The following GSTK1 variants were observed in gnomAD, a reference collection of about 807,000 sequenced individuals.
GSTK1 encodes the protein GST class-kappa.
GSTK1 carries 25 observed loss-of-function variants against 30.9 expected under a neutral mutation model. The observed-to-expected ratio is 0.81, with a 90% CI of 0.59 to 1.13. The LOEUF is 1.13. Ranked by LOEUF, GSTK1 falls within the 50% of genes most tolerant of loss-of-function variation. GSTK1 has a pLI of 0.00. For synonymous variants in GSTK1, 108 were observed against 112.5 expected (o/e 0.96, Z 0.25); for missense variants, 292 against 292.4 (o/e 1.00, Z 0.01).
In GSTK1 at chr7:143,263,647, C is replaced by T; in HGVS notation, c.72+62C>T. ...GAGTGAGGGCGGAGGGAAGAGTGAG[C>T]GCAGGGCTCCGGGACAGAGGTCTCG... On this transcript the variant is annotated intron_variant, in intron 1 of 7. Coordinates refer to ENST00000358406, the MANE Select transcript of GSTK1 (RefSeq NM_015917.3). 2.0e-6 allele frequency: 3 copies of T among 1,473,036 alleles called. No individual in the cohort carries two copies. In the Admixed American group the frequency reaches 5.0e-5, roughly 25 times the overall value. The allele number at this position is 1,473,036 out of a possible 1,614,324, so 91.2% of individuals were successfully genotyped here. A position where few individuals can be genotyped will look rare whatever the true frequency, so the allele number is the denominator to read the frequency against.
At position 143,265,054 on chromosome 7, in the gene GSTK1, A is replaced by G. The variant is rs767523378; in HGVS notation, c.346A>G (p.Lys116Glu). Residue 116 changes from lysine (K) to glutamate (E), a missense_variant, in exon 4 of 8, where the codon AAA (lysine) becomes GAA (glutamate). Coordinates refer to ENST00000358406, the MANE Select transcript of GSTK1 (RefSeq NM_015917.3). ...VNLEHPEMLE[K>E]ASRELWMRVW... is the part of the protein sequence containing the mutation. ...CTTGGAGCATCCAGAGATGCTGGAG[A>G]AAGCGTCCCGGGAGCTGTGGATGCG... 3.2e-5 allele frequency: 52 copies of G among 1,613,986 alleles called. No homozygotes were observed. Among genetic ancestry groups the G allele is most frequent in the Non-Finnish European group, 4.2e-5 (50 of 1,180,020 alleles).
In GSTK1 at chr7:143,267,378, G is replaced by A. The variant is rs190201957; in HGVS notation, c.421-239G>A. On this transcript the variant is annotated intron_variant, in intron 5 of 7. Coordinates refer to ENST00000358406, the MANE Select transcript of GSTK1 (RefSeq NM_015917.3). ...TATCTAGCTGCTCTCTAAGATGTCC[G>A]CTGGTGTTAATTTCTGTGATTGACT... 1.6e-4 allele frequency among the ~76,000 whole-genome samples: 24 copies of A among 152,198 alleles called. No homozygotes were observed. The East Asian group carries it at 2.5e-3, about 16-fold the overall frequency.
Position 143,268,185 on chromosome 7 carries a change from G to A in GSTK1, c.631+1G>A, listed in dbSNP as rs763116400. 6.2e-7 allele frequency: 1 copy of A among 1,612,344 alleles called. No individual in the cohort carries two copies. Among genetic ancestry groups the A allele is most frequent in the Non-Finnish European group, 8.5e-7 (1 of 1,179,012 alleles). ...ATGGAGCTGCTGGCGCACCTGCTGG[G>A]TAAGTAAGTTAAAGAATCAACCCTG... On this transcript the variant is annotated splice_donor_variant, in intron 7 of 7. Transcript: ENST00000358406. LOFTEE classifies it high-confidence loss of function. The surrounding 1 kb of genome is among the most constrained non-coding windows in gnomAD (Gnocchi z 4.1).
chr7:143,264,717 C>T (rs767435443), intron 3 of GSTK1, 41 bp downstream of exon 3: 10 of 1,611,570 alleles, frequency 6.2e-6, no homozygotes, highest in Non-Finnish European at 8.5e-6. Flanking sequence ...CAGTGAAAAA[C>T]ACAGAAGTCG....
In GSTK1 at chr7:143,268,042, A is replaced by C; in HGVS notation, c.538-49A>C. ...GACTCAAAGGTTTCAACCCCTGCCTAATACCTGCTCCTTTGCCTTCCTCCT... is the reference window on the plus strand; with the variant it reads ...GACTCAAAGGTTTCAACCCCTGCCTCATACCTGCTCCTTTGCCTTCCTCCT... On this transcript the variant is annotated intron_variant, in intron 6 of 7. Coordinates refer to ENST00000358406, the MANE Select transcript of GSTK1 (RefSeq NM_015917.3). The surrounding 1 kb of genome is among the most constrained non-coding windows in gnomAD (Gnocchi z 4.1). 3.4e-4 allele frequency: 487 copies of C among 1,427,516 alleles called. No homozygotes were observed. The highest frequency in any genetic ancestry group is 4.4e-4 in the Non-Finnish European group (446 of 1,019,770). The allele number at this position is 1,427,516 out of a possible 1,614,324, so 88.4% of individuals were successfully genotyped here. A position where few individuals can be genotyped will look rare whatever the true frequency, so the allele number is the denominator to read the frequency against.
intron 5 of GSTK1, among the ~76,000 whole-genome samples, chr7:143,266,201 T>G (rs1319748864): frequency 6.6e-6 from 1 of 151,866 alleles, no homozygotes; most frequent in Non-Finnish European, 1.5e-5. Flanking sequence ...TGGCTAACTT[T>G]TTTATTTTTT....
At position 143,263,482 on chromosome 7, in the gene GSTK1, C is replaced by G; in HGVS notation, c.-32C>G. The G allele has an allele frequency of 6.2e-7, 1 of 1,600,934 alleles. No individual in the cohort carries two copies. Among genetic ancestry groups the G allele is most frequent in the Non-Finnish European group, 8.5e-7 (1 of 1,174,200 alleles). ...CTGCCGGGTTCCGGGAAAAGGAGCT[C>G]CTGCTGCCACTGCTCTTCCGGAGCC... On this transcript the variant is annotated 5_prime_UTR_variant, in exon 1 of 8. Coordinates refer to ENST00000358406, the MANE Select transcript of GSTK1 (RefSeq NM_015917.3).
At position 143,263,522 on chromosome 7, in the gene GSTK1, C is replaced by A; in HGVS notation, c.9C>A (p.Pro3=). 6.2e-7 allele frequency: 1 copy of A among 1,610,236 alleles called. No individual in the cohort carries two copies. The highest frequency in any genetic ancestry group is 8.5e-7 in the Non-Finnish European group (1 of 1,180,006). The change falls in exon 1 of 8, where the codon CCC becomes CCA. Residue 3 remains proline (P), a synonymous_variant. Coordinates refer to ENST00000358406, the MANE Select transcript of GSTK1 (RefSeq NM_015917.3). ...CTTCCGGAGCCTGCAGCATGGGGCC[C>A]CTGCCGCGCACCGTGGAGCTCTTCT... MG[P]LPRTVELFYD...
In GSTK1 at chr7:143,265,184, C is replaced by G; in HGVS notation, c.385-77C>G. ...GTTTTCAGGGTCATGATCCTGCCCCCGCCCGGGGGATCTACTGTCCTCCCA... is the reference window on the plus strand; with the variant it reads ...GTTTTCAGGGTCATGATCCTGCCCCGGCCCGGGGGATCTACTGTCCTCCCA... On this transcript the variant is annotated intron_variant, in intron 4 of 7. Coordinates refer to ENST00000358406, the MANE Select transcript of GSTK1 (RefSeq NM_015917.3). 2 of 1,607,446 alleles carry G rather than the reference C, an allele frequency of 1.2e-6. No homozygotes were observed. Among genetic ancestry groups the G allele is most frequent in the South Asian group, 2.2e-5 (2 of 89,964 alleles).
rs372827008 is a variant in GSTK1, at chr7:143,263,564, C to G, written c.51C>G (p.Pro17=). ...AGCTCTTCTATGACGTGCTGTCCCCCTACTCCTGGCTGGGCTTCGAGGTGA... is the reference window on the plus strand; with the variant it reads ...AGCTCTTCTATGACGTGCTGTCCCCGTACTCCTGGCTGGGCTTCGAGGTGA... ...TVELFYDVLS[P]YSWLGFEILC... The change falls in exon 1 of 8, where the codon CCC becomes CCG. Residue 17 remains proline (P), a synonymous_variant. Coordinates refer to ENST00000358406, the MANE Select transcript of GSTK1 (RefSeq NM_015917.3). 1.9e-6 allele frequency: 3 copies of G among 1,610,114 alleles called. No homozygotes were observed. Among genetic ancestry groups the G allele is most frequent in the Non-Finnish European group, 2.5e-6 (3 of 1,180,006 alleles).
Position 143,264,172 on chromosome 7 carries a change from G to A in GSTK1, c.154+5G>A, listed in dbSNP as rs550551572. 6.2e-7 allele frequency: 1 copy of A among 1,613,154 alleles called. No homozygotes were observed. The highest frequency in any genetic ancestry group is 2.2e-5 in the East Asian group (1 of 44,860). ...CAGGGATCATGAAAGACAGTGGTAG[G>A]AAGGGAGGGTCGGGGCAGGGGTGAT... is the stretch of plus-strand genomic sequence containing the variant. On this transcript the variant is annotated splice_donor_5th_base_variant and intron_variant, in intron 2 of 7. Transcript: ENST00000358406.
chr7:143,264,453 G>C (rs748411524), intron 2 of GSTK1, 95 bp from the exon 3 acceptor site: 8 of 1,271,714 alleles, frequency 6.3e-6, no homozygotes, highest in Non-Finnish European at 8.9e-6. Context: ...AGAAAAAAAA[G>C]GAAGCTGCCC....
chr7:143,265,177 C>T (rs1800838628), intron 4 of GSTK1, 84 bp from the exon 5 acceptor site: 2 of 1,608,790 alleles, frequency 1.2e-6, no homozygotes, highest in East Asian at 2.2e-5. Context: ...GGTCATGATC[C>T]TGCCCCCGCC....
chr7:143,268,983 A>T lies in GSTK1; in HGVS notation c.*146A>T, dbSNP rs969382893. On this transcript the variant is annotated 3_prime_UTR_variant, in exon 8 of 8. Transcript: ENST00000358406. The surrounding 1 kb of genome is among the most constrained non-coding windows in gnomAD (Gnocchi z 4.1). Reference sequence around the variant, plus strand: ...CCTGGGAGCTGTCTGTCTTTCCCCTACCCCCAAGGATGCCAGGAAGACGTC... The same window carrying T: ...CCTGGGAGCTGTCTGTCTTTCCCCTTCCCCCAAGGATGCCAGGAAGACGTC... 2 of 707,864 alleles carry T rather than the reference A, an allele frequency of 2.8e-6. No individual in the cohort carries two copies. The highest frequency in any genetic ancestry group is 3.5e-5 in the African/African-American group (2 of 56,774). The allele number at this position is 707,864 out of a possible 1,614,324, so 43.8% of individuals were successfully genotyped here. A position where few individuals can be genotyped will look rare whatever the true frequency, so the allele number is the denominator to read the frequency against.
chr7:143,269,071 A>G lies in GSTK1; in HGVS notation c.*234A>G, dbSNP rs899049792. On this transcript the variant is annotated 3_prime_UTR_variant, in exon 8 of 8. Transcript: ENST00000358406. The stretch of plus-strand genomic sequence containing the variant: ...CACAAGTGCCTTTCAGAGAGCCCCA[A>G]TTCTGCTTTCCCACAAAATAAACCT... The G allele has an allele frequency of 1.6e-5, 9 of 561,298 alleles. No homozygotes were observed. Among genetic ancestry groups the G allele is most frequent in the African/African-American group, 3.8e-5 (2 of 52,954 alleles). 34.8% of individuals were successfully genotyped at this position (561,298 alleles called of 1,614,324 possible). A position where few individuals can be genotyped will look rare whatever the true frequency, so the allele number is the denominator to read the frequency against.
chr7:143,263,972 T>G, intron 1 of GSTK1, 114 bp from the exon 2 acceptor site: 1 of 862,004 alleles, frequency 1.2e-6, no homozygotes, highest in Non-Finnish European at 1.9e-6. Flanking sequence ...AACCAAACAA[T>G]GTAGGGTGTC....
chr7:143,265,693 C>T (rs751284188), intron 5 of GSTK1, among the ~76,000 whole-genome samples: 4 of 151,858 alleles, frequency 2.6e-5, no homozygotes, highest in African/African-American at 4.8e-5. Context: ...TTTAAAAAGA[C>T]GAAAAGAGAT....
chr7:143,263,519 GC>G lies in GSTK1; in HGVS notation c.10del (p.Leu4CysfsTer41). The G allele has an allele frequency of 6.2e-7, 1 of 1,609,928 alleles. No individual in the cohort carries two copies. The highest frequency in any genetic ancestry group is 2.2e-5 in the East Asian group (1 of 44,878). ...GCTCTTCCGGAGCCTGCAGCATGGG[GC>G]CCCTGCCGCGCACCGTGGAGCTCTT... MG[P>X]LPRTVELFYD... On this transcript the variant is annotated frameshift_variant, in exon 1 of 8. Coordinates refer to ENST00000358406, the MANE Select transcript of GSTK1 (RefSeq NM_015917.3). LOFTEE classifies it high-confidence loss of function.
At chr7:143,264,383 G>A in intron 2 of GSTK1, 165 bp from the exon 3 acceptor site, 1 of 810,474 alleles carries the variant, frequency 1.2e-6, no homozygotes, top group South Asian at 1.6e-5. Flanking sequence ...GGCGGAGGTT[G>A]CGGTGAGCTG....
Sources: allele counts gnomAD v4.1 joint callset (sites outside exome capture counted in the v4.1 genomes callset), GRCh38; gene constraint gnomAD v4.1.1; non-coding constraint Gnocchi (gnomAD v3.1); transcripts MANE v1.5; gene names NCBI Gene and HGNC (gene_info 2026-07-23, HGNC 2026-07-21).